Variants in MYO3B observed in about 807,000 individuals in gnomAD.
MYO3B encodes myosin-IIIb.
A neutral mutation model predicts 174.6 loss-of-function variants in MYO3B; 156 were observed. The observed-to-expected ratio is 0.89, with a 90% CI of 0.78 to 1.02. MYO3B has a LOEUF of 1.02. Among genes scored for constraint, MYO3B ranks in the 50% least tolerant of loss-of-function variants. The pLI is 0.00. For missense variants in MYO3B, 1,632 were observed against 1,639.4 expected, an observed-to-expected ratio of 1.00 and a Z score of 0.08; for synonymous variants, 563 against 569.1, an observed-to-expected ratio of 0.99 and a Z score of 0.15.
chr2:170,462,412 A>G (rs1466876911), intron 23 of MYO3B, among the ~76,000 whole-genome samples: 1 of 152,176 alleles, frequency 6.6e-6, no homozygotes, highest in Non-Finnish European at 1.5e-5. Flanking sequence ...TTTTGCATAC[A>G]GTCTCCCACA....
chr2:170,597,391 AG>A (rs1342637674), intron 32 of MYO3B, among the ~76,000 whole-genome samples: 2 of 151,170 alleles, frequency 1.3e-5, no homozygotes, highest in Admixed American at 6.6e-5. Context: ...AAAAAAAAAA[AG>A]AAGCCCTGCC....
chr2:170,255,930 G>T (rs1402283850), intron 7 of MYO3B, among the ~76,000 whole-genome samples: 1 of 152,186 alleles, frequency 6.6e-6, no homozygotes, highest in Non-Finnish European at 1.5e-5. Context: ...AGATGACATA[G>T]CCAGTTTAAG....
At chr2:170,446,412 T>C (rs1032215147) in intron 23 of MYO3B, among the ~76,000 whole-genome samples, 5 of 152,122 alleles carry the variant, frequency 3.3e-5, no homozygotes, top group South Asian at 2.1e-4. Context: ...ACCAGCAAAG[T>C]GTTGCCTCCC....
At chr2:170,366,044 A>T (rs1434105273) in intron 8 of MYO3B, among the ~76,000 whole-genome samples, 1 of 152,020 alleles carries the variant, frequency 6.6e-6, no homozygotes, top group East Asian at 1.9e-4. Context: ...TGAAGTGAAA[A>T]TGCTATATAA....
At chr2:170,562,975 T>C (rs1691813895) in intron 32 of MYO3B, among the ~76,000 whole-genome samples, 1 of 151,280 alleles carries the variant, frequency 6.6e-6, no homozygotes, top group Non-Finnish European at 1.5e-5. Flanking sequence ...GCTTCCCTAC[T>C]TCCCCATGCA....
Position 170,206,238 on chromosome 2 carries a change from G to C in MYO3B, c.321+5954G>C, listed in dbSNP as rs940362624. ...ATGTCCACCTGCCCCAAACCCATTT[G>C]TCCTTCAAACTCATTGTAAATGTTA... On this transcript the variant is annotated intron_variant, in intron 3 of 34. Coordinates refer to ENST00000408978, the MANE Select transcript of MYO3B (RefSeq NM_138995.5). This position sits in a 1 kb window ranked among gnomAD's most constrained non-coding sequence, Gnocchi z 4.3. Among the ~76,000 whole-genome samples the C allele has an allele frequency of 7.2e-5, 11 of 151,920 alleles. No homozygotes were observed. The highest frequency in any genetic ancestry group is 2.7e-4 in the African/African-American group (11 of 41,310).
intron 32 of MYO3B, among the ~76,000 whole-genome samples, chr2:170,579,092 T>C (rs1692972583): frequency 6.6e-6 from 1 of 152,184 alleles, no homozygotes; most frequent in African/African-American, 2.4e-5. Flanking sequence ...TAATTCTTGG[T>C]TGTGTAACTA....
chr2:170,279,277 C>A (rs961562008), intron 7 of MYO3B, among the ~76,000 whole-genome samples: 1 of 152,084 alleles, frequency 6.6e-6, no homozygotes, highest in Non-Finnish European at 1.5e-5. Context: ...CTTTTATCTG[C>A]GTCCTTGCCA....
At chr2:170,386,746 G>T (rs2094378434) in intron 13 of MYO3B, among the ~76,000 whole-genome samples, 1 of 152,220 alleles carries the variant, frequency 6.6e-6, no homozygotes, top group African/African-American at 2.4e-5. Flanking sequence ...GACTAAGAAA[G>T]AATGTATGGA....
chr2:170,358,045 C>T (rs911177802), intron 8 of MYO3B, among the ~76,000 whole-genome samples: 9 of 151,510 alleles, frequency 5.9e-5, no homozygotes, highest in South Asian at 2.1e-4. Context: ...CCAGCTACTC[C>T]GGAGGCTGAG....
chr2:170,552,250 CA>C (rs1405908880), intron 32 of MYO3B, among the ~76,000 whole-genome samples: 1 of 152,094 alleles, frequency 6.6e-6, no homozygotes, highest in Non-Finnish European at 1.5e-5. Flanking sequence ...GATCAGAAGA[CA>C]GGAAGGTGAG....
chr2:170,301,874 CT>C (rs10538086), intron 7 of MYO3B, among the ~76,000 whole-genome samples: 4,287 of 74,736 alleles, frequency 0.057, 91 homozygotes, highest in African/African-American at 0.12. Context: ...AAAGTGGAGG[CT>C]TTTTTTTTTT....
chr2:170,377,467 G>A (rs1323513569), intron 9 of MYO3B, among the ~76,000 whole-genome samples: 1 of 152,098 alleles, frequency 6.6e-6, no homozygotes, highest in African/African-American at 2.4e-5. Flanking sequence ...TTCTTACGCT[G>A]CACTCATTTC....
chr2:170,408,911 T>A (rs555969433), intron 22 of MYO3B, among the ~76,000 whole-genome samples: 1 of 152,248 alleles, frequency 6.6e-6, no homozygotes, highest in South Asian at 2.1e-4. Context: ...TTCCAGACCT[T>A]CCTTGGAGCA....
chr2:170,426,517 T>C (rs2094663301), intron 22 of MYO3B, among the ~76,000 whole-genome samples: 1 of 151,710 alleles, frequency 6.6e-6, no homozygotes, highest in Non-Finnish European at 1.5e-5. Context: ...TTTGTATTTT[T>C]AGTAGAGGCG....
intron 7 of MYO3B, among the ~76,000 whole-genome samples, chr2:170,328,177 C>G (rs544010209): frequency 9.2e-5 from 14 of 152,134 alleles, no homozygotes; most frequent in Non-Finnish European, 2.1e-4. Context: ...GCTAGGATTA[C>G]AGGCATGAAC....
intron 7 of MYO3B, among the ~76,000 whole-genome samples, chr2:170,295,125 A>C (rs1389924722): frequency 1.3e-5 from 2 of 151,684 alleles, no homozygotes; most frequent in Admixed American, 1.3e-4. Context: ...TATTTGTCTT[A>C]TATCTTATTA....
chr2:170,298,039 T>C (rs2105436124), intron 7 of MYO3B, among the ~76,000 whole-genome samples: 1 of 152,334 alleles, frequency 6.6e-6, no homozygotes, highest in Non-Finnish European at 1.5e-5. Context: ...AAGACTTATA[T>C]ATGTGTATAT....
intron 25 of MYO3B, among the ~76,000 whole-genome samples, chr2:170,482,316 A>G (rs1377932004): frequency 6.6e-6 from 1 of 152,014 alleles, no homozygotes; most frequent in East Asian, 1.9e-4. Context: ...CACCATGCCT[A>G]ACTAATTTTT....
Sources: allele counts gnomAD v4.1 joint callset (sites outside exome capture counted in the v4.1 genomes callset), GRCh38; gene constraint gnomAD v4.1.1; non-coding constraint Gnocchi (gnomAD v3.1); transcripts MANE v1.5; gene names NCBI Gene and HGNC (gene_info 2026-07-23, HGNC 2026-07-21).